The following RNF111 variants were observed in gnomAD, a reference collection of about 807,000 sequenced individuals.
RNF111 encodes E3 ubiquitin-protein ligase Arkadia.
A neutral mutation model predicts 95.1 loss-of-function variants in RNF111; 17 were observed. The observed-to-expected ratio is 0.18, with a 90% CI of 0.12 to 0.27. The LOEUF (loss-of-function observed/expected upper bound fraction) is 0.27. Ranked by LOEUF, RNF111 falls within the 10% of genes least tolerant of loss-of-function variation. The pLI, the probability that RNF111 is intolerant of heterozygous loss-of-function variation, is 1.00. For missense variants in RNF111, 1,189 were observed against 1,210.4 expected, an observed-to-expected ratio of 0.98 and a Z score of 0.26; for synonymous variants, 440 against 414.8, an observed-to-expected ratio of 1.06 and a Z score of -0.74.
At chr15:59,053,375 A>C (rs1374121206) in intron 3 of RNF111, among the ~76,000 whole-genome samples, 1 of 152,208 alleles carries the variant, frequency 6.6e-6, no homozygotes, top group Non-Finnish European at 1.5e-5. Flanking sequence ...GATACACCCA[A>C]CTAATAATCT....
chr15:59,089,517 A>G (rs1193788410), intron 10 of RNF111, 150 bp from the exon 11 acceptor site: 1 of 621,422 alleles, frequency 1.6e-6, no homozygotes, highest in Non-Finnish European at 2.9e-6. Context: ...CTGTTACAGA[A>G]TGCTTAGTTG....
intron 13 of RNF111, 148 bp downstream of exon 13, chr15:59,092,788 G>A (rs1214815151): frequency 1.2e-5 from 8 of 667,512 alleles, no homozygotes; most frequent in Non-Finnish European, 1.7e-5. Context: ...GAGGCCAGGA[G>A]TTTGAGGCCA....
rs2043155922 is a variant in RNF111, at chr15:59,076,141, T to C, written c.1874T>C (p.Met625Thr). 2 of 1,614,010 alleles carry C rather than the reference T, an allele frequency of 1.2e-6. No homozygotes were observed. The highest frequency in any genetic ancestry group is 1.7e-6 in the Non-Finnish European group (2 of 1,180,056). ...LSSIDGYGSS[M>T]VAQPQPQPPP... ...TCAATAGATGGCTATGGATCAAGCA[T>C]GGTTGCGCAGCCCCAGCCCCAGCCC... is the stretch of plus-strand genomic sequence containing the variant. Residue 625 changes from methionine to threonine, a missense_variant, in exon 7 of 14, where the codon ATG becomes ACG. Coordinates refer to ENST00000348370, the MANE Select transcript of RNF111 (RefSeq NM_017610.8).
intron 1 of RNF111, among the ~76,000 whole-genome samples, chr15:58,994,718 T>C (rs1173745999): frequency 6.6e-6 from 1 of 152,122 alleles, no homozygotes; most frequent in African/African-American, 2.4e-5. Flanking sequence ...CTTTAAGTGA[T>C]CAGCCTACTT....
chr15:59,041,467 T>G (rs1251519320), intron 2 of RNF111, among the ~76,000 whole-genome samples: 2 of 152,020 alleles, frequency 1.3e-5, no homozygotes, highest in African/African-American at 4.8e-5. Flanking sequence ...GCAGGAGAAC[T>G]GCTTGAACCC....
rs745397913 is a variant in RNF111 at position 59,058,464 on chromosome 15, C to T, written c.1280C>T (p.Ser427Leu). 4 of 1,614,140 alleles carry T rather than the reference C, an allele frequency of 2.5e-6. No individual in the cohort carries two copies. Among genetic ancestry groups the T allele is most frequent in the Non-Finnish European group, 2.5e-6 (3 of 1,179,994 alleles). The stretch of plus-strand genomic sequence containing the variant: ...TCTGAGCAGGCCTCTGATACTGCTT[C>T]AGCTGTCACCAGTAGCCAACCTTCC... Reference protein sequence around the residue: ...STSEQASDTASAVTSSQPSTV... With the variant: ...STSEQASDTALAVTSSQPSTV... Residue 427 changes from serine (S) to leucine (L), a missense_variant, in exon 5 of 14, where the codon TCA becomes TTA. By Grantham distance (145) the Ser-to-Leu change is moderately radical. Around this residue, in one of 2 missense-constraint regions of RNF111, gnomAD observed 1,024 missense variants for 925.9 expected, o/e 1.11. Coordinates refer to ENST00000348370, the MANE Select transcript of RNF111 (RefSeq NM_017610.8).
At chr15:58,993,867 AT>A (rs2038927155) in intron 1 of RNF111, among the ~76,000 whole-genome samples, 2 of 152,012 alleles carry the variant, frequency 1.3e-5, no homozygotes. Context: ...CTTAAAAAAT[AT>A]TTTTCCTTTT....
chr15:59,004,380 C>T (rs1020871733), intron 1 of RNF111, among the ~76,000 whole-genome samples: 7 of 152,036 alleles, frequency 4.6e-5, no homozygotes, highest in Non-Finnish European at 7.3e-5. Context: ...TGAGACTTAA[C>T]GTGTACAAGA....
chr15:59,062,615 A>G (rs2042489214), intron 5 of RNF111, among the ~76,000 whole-genome samples: 1 of 152,242 alleles, frequency 6.6e-6, no homozygotes, highest in Non-Finnish European at 1.5e-5. Flanking sequence ...AGCAATAGCT[A>G]ACATTTATTG....
intron 4 of RNF111, among the ~76,000 whole-genome samples, chr15:59,056,075 T>C (rs1456704058): frequency 6.6e-6 from 1 of 152,148 alleles, no homozygotes; most frequent in African/African-American, 2.4e-5. Flanking sequence ...GGAAAAAATA[T>C]TTTTGTAAGT....
intron 5 of RNF111, among the ~76,000 whole-genome samples, chr15:59,066,097 A>G (rs1400083002): frequency 1.3e-5 from 2 of 152,206 alleles, no homozygotes; most frequent in African/African-American, 4.8e-5. Flanking sequence ...GCTCAGGGGA[A>G]GAGCATTTGC....
chr15:59,049,570 A>G (rs1253726282), intron 2 of RNF111: 1 of 164,072 alleles, frequency 6.1e-6, no homozygotes, highest in Non-Finnish European at 1.3e-5. Flanking sequence ...TTGGGAAGCC[A>G]TCTCAGCTGT....
At chr15:59,008,252 C>G (rs1029141544) in intron 1 of RNF111, among the ~76,000 whole-genome samples, 4 of 152,156 alleles carry the variant, frequency 2.6e-5, no homozygotes, top group African/African-American at 9.7e-5. Flanking sequence ...GAGTCTTTCT[C>G]TGTTGCCCAG....
intron 5 of RNF111, among the ~76,000 whole-genome samples, chr15:59,065,184 G>C (rs2042603698): frequency 6.6e-6 from 1 of 152,072 alleles, no homozygotes; most frequent in South Asian, 2.1e-4. Context: ...GGGGGTTAAG[G>C]ATGGCAGCAG....
chr15:59,037,681 A>G (rs2041246323), intron 2 of RNF111, among the ~76,000 whole-genome samples: 3 of 152,166 alleles, frequency 2.0e-5, no homozygotes, highest in Admixed American at 6.5e-5. Context: ...TACTAAAAAT[A>G]CAAAATTAGC....
At chr15:59,014,765 T>C (rs145695296) in intron 1 of RNF111, among the ~76,000 whole-genome samples, 85 of 152,170 alleles carry the variant, frequency 5.6e-4, no homozygotes, top group Middle Eastern at 3.4e-3. Flanking sequence ...AGACTTTTTT[T>C]TTTTTTTTTG....
At chr15:59,030,663 A>G in intron 1 of RNF111, 141 bp from the exon 2 acceptor site, 1 of 548,924 alleles carries the variant, frequency 1.8e-6, no homozygotes, top group Non-Finnish European at 3.0e-6. Context: ...AATAATTCAT[A>G]ACAGACATTT....
At chr15:59,017,163 C>T (rs1306617192) in intron 1 of RNF111, among the ~76,000 whole-genome samples, 4 of 140,888 alleles carry the variant, frequency 2.8e-5, no homozygotes, top group Non-Finnish European at 4.7e-5. Flanking sequence ...CACCCTGGGT[C>T]TGTGGAAAAA....
In RNF111 at chr15:59,096,863, A is replaced by G. The variant is rs1262268817; in HGVS notation, c.*1963A>G. ...AGAAGTGTAAGATGGGGAGAACTGT[A>G]TGTCATGGAGTCCTCTTGACGTTCC... On this transcript the variant is annotated 3_prime_UTR_variant, in exon 14 of 14. Coordinates refer to ENST00000348370, the MANE Select transcript of RNF111 (RefSeq NM_017610.8). 1 of 152,240 alleles carries G rather than the reference A, an allele frequency of 6.6e-6. No homozygotes were observed. Among genetic ancestry groups the G allele is most frequent in the East Asian group, 1.9e-4 (1 of 5,204 alleles). 9.4% of individuals were successfully genotyped at this position (152,240 alleles called of 1,614,324 possible).
Sources: allele counts gnomAD v4.1 joint callset (sites outside exome capture counted in the v4.1 genomes callset), GRCh38; gene constraint gnomAD v4.1.1; regional missense constraint gnomAD v4.1.1; transcripts MANE v1.5; gene names NCBI Gene and HGNC (gene_info 2026-07-23, HGNC 2026-07-21).